IGSF9B: variants seen among roughly 807,000 people sequenced by gnomAD.
The protein encoded by IGSF9B is immunoglobulin superfamily member 9B, also known as protein turtle homolog B.
In IGSF9B, 48 loss-of-function variants were observed where a neutral mutation model predicts 143.7. The observed-to-expected ratio is 0.33, with a 90% CI of 0.26 to 0.42. The LOEUF is 0.42. Among genes scored for constraint, IGSF9B ranks in the 20% least tolerant of loss-of-function variants. IGSF9B has a pLI of 1.00. For missense variants in IGSF9B, 1,706 were observed against 1,980.0 expected (o/e 0.86, Z 2.63); for synonymous variants, 903 against 833.1 (o/e 1.08, Z -1.44).
At chr11:133,955,881 C>A (rs923038332) in intron 1 of IGSF9B, among the ~76,000 whole-genome samples, 2 of 151,926 alleles carry the variant, frequency 1.3e-5, no homozygotes, top group African/African-American at 2.4e-5. Context: ...AGCGTGGGGA[C>A]CCCCCCTTCC....
chr11:133,918,134 C>G (rs1286320932), intron 18 of IGSF9B, among the ~76,000 whole-genome samples: 1 of 151,954 alleles, frequency 6.6e-6, no homozygotes, highest in Non-Finnish European at 1.5e-5. Context: ...CGAGGAGCGG[C>G]AGCGGCCACC....
intron 15 of IGSF9B, 23 bp downstream of exon 15, chr11:133,924,797 A>G: frequency 2.5e-6 from 4 of 1,602,710 alleles, no homozygotes; most frequent in Non-Finnish European, 3.4e-6. Context: ...TATAGTTGCA[A>G]GAGCACCCTC....
intron 1 of IGSF9B, among the ~76,000 whole-genome samples, chr11:133,952,373 G>A (rs772675811): frequency 4.6e-5 from 7 of 152,168 alleles, no homozygotes; most frequent in Non-Finnish European, 7.4e-5. Context: ...CCTCTGTGCT[G>A]CCTAGACTGC....
At position 133,908,084 on chromosome 11, in the gene IGSF9B, TCCGCAGTGGGGAGACTTTGG is replaced by T. The variant is rs1158901220; in HGVS notation, c.*965_*984del. On this transcript the variant is annotated 3_prime_UTR_variant, in exon 20 of 20. Coordinates refer to ENST00000533871, the MANE Select transcript of IGSF9B (RefSeq NM_001277285.4). ...GCAGCTTGGCGCTAGCACAGGTGGC[TCCGCAGTGGGGAGACTTTGG>T]CCACAGAGCTCACGGCCTGGCTGGG... 6.6e-6 allele frequency among the ~76,000 whole-genome samples: 1 copy of T among 152,160 alleles called. No homozygotes were observed. Among genetic ancestry groups the T allele is most frequent in the Non-Finnish European group, 1.5e-5 (1 of 68,020 alleles).
chr11:133,919,035 G>C (rs1234818366), intron 18 of IGSF9B: 1 of 501,294 alleles, frequency 2.0e-6, no homozygotes, highest in South Asian at 1.5e-5. Flanking sequence ...TGGAATACCA[G>C]CTGCTACAGT....
Position 133,946,116 on chromosome 11 carries a change from G to A in IGSF9B, c.207C>T (p.Ile69=), listed in dbSNP as rs1371777887. 1 of 1,610,356 alleles carries A rather than the reference G, an allele frequency of 6.2e-7. No individual in the cohort carries two copies. The highest frequency in any genetic ancestry group is 2.2e-5 in the East Asian group (1 of 44,704). Residue 69 remains isoleucine, a synonymous_variant, in exon 2 of 20, where the codon ATC becomes ATT. Transcript: ENST00000533871. ...AGTAGCCAAACTTGATGAAGATAGG[G>A]ATGGGGACCCCGAACTTGAACCACT... ...VVEWFKFGVP[I]PIFIKFGYYP... is the part of the protein sequence containing the mutation.
chr11:133,944,454 C>T (rs1940008493), intron 2 of IGSF9B, 88 bp from the exon 3 acceptor site: 1 of 1,376,976 alleles, frequency 7.3e-7, no homozygotes. Context: ...AGACAGGGGA[C>T]TCATCATAAT....
chr11:133,931,331 G>A lies in IGSF9B; in HGVS notation c.1368+122C>T, dbSNP rs1397231950. ...GGGCAGGTCCAGAATAGAACTGCTCGCTGGGCCCTCACACCTCCCCTCAGC... is the reference window on the plus strand; with the variant it reads ...GGGCAGGTCCAGAATAGAACTGCTCACTGGGCCCTCACACCTCCCCTCAGC... On this transcript the variant is annotated intron_variant, in intron 10 of 19. Coordinates refer to ENST00000533871, the MANE Select transcript of IGSF9B (RefSeq NM_001277285.4). This position sits in a 1 kb window ranked among gnomAD's most constrained non-coding sequence, Gnocchi z 7.7. 9.4e-6 allele frequency: 8 copies of A among 847,510 alleles called. No individual in the cohort carries two copies. The highest frequency in any genetic ancestry group is 3.4e-5 in the African/African-American group (2 of 58,118). The allele number at this position is 847,510 out of a possible 1,614,324, so 52.5% of individuals were successfully genotyped here. A position where few individuals can be genotyped will look rare whatever the true frequency, so the allele number is the denominator to read the frequency against.
At chr11:133,915,150 C>G (rs535274601) in intron 18 of IGSF9B, among the ~76,000 whole-genome samples, 1 of 152,290 alleles carries the variant, frequency 6.6e-6, no homozygotes, top group African/African-American at 2.4e-5. Context: ...CTGGGGCTCC[C>G]CTTCTCCCAG....
At chr11:133,929,461 G>T (rs969752977) in intron 12 of IGSF9B, among the ~76,000 whole-genome samples, 2 of 152,138 alleles carry the variant, frequency 1.3e-5, no homozygotes, top group East Asian at 3.9e-4. Context: ...AGGCCACAGG[G>T]ACACAGCCAT....
chr11:133,920,335 T>C lies in IGSF9B; in HGVS notation c.3390A>G (p.Val1130=), dbSNP rs1939499343. The change falls in exon 18 of 20, where the codon GTA becomes GTG. Residue 1130 remains valine (V), a synonymous_variant. Coordinates refer to ENST00000533871, the MANE Select transcript of IGSF9B (RefSeq NM_001277285.4). ...KWQDRPMQPL[V]SQGQLRHTSQ... is the part of the protein sequence containing the mutation. ...TTGTATGTCGCAGCTGCCCTTGGCT[T>C]ACCAGAGGTTGCATAGGTCTGTCCT... 6.3e-7 allele frequency: 1 copy of C among 1,596,552 alleles called. No homozygotes were observed. Among genetic ancestry groups the C allele is most frequent in the African/African-American group, 1.3e-5 (1 of 74,194 alleles).
At chr11:133,927,235 C>T (rs1486782549) in intron 12 of IGSF9B, 144 bp from the exon 13 acceptor site, 6 of 668,088 alleles carry the variant, frequency 9.0e-6, no homozygotes, top group Non-Finnish European at 1.3e-5. Flanking sequence ...GGGCATGGCC[C>T]AGAGTGGATG....
At chr11:133,912,155 C>A (rs527558367) in intron 18 of IGSF9B, 148 bp from the exon 19 acceptor site, 84 of 907,934 alleles carry the variant, frequency 9.3e-5, no homozygotes, top group Non-Finnish European at 1.3e-4. Flanking sequence ...CTCCATGACA[C>A]CCGCCTTTCT....
chr11:133,941,394 G>A (rs1939954010), intron 3 of IGSF9B, among the ~76,000 whole-genome samples: 1 of 152,238 alleles, frequency 6.6e-6, no homozygotes, highest in Non-Finnish European at 1.5e-5. Context: ...GAAGGAAAAT[G>A]AGACAATTTG....
At chr11:133,937,322 C>T in intron 5 of IGSF9B, 54 bp downstream of exon 5, 1 of 1,362,452 alleles carries the variant, frequency 7.3e-7, no homozygotes, top group Middle Eastern at 1.8e-4. Context: ...CTCAGCCGGG[C>T]TGGACATCCC....
chr11:133,929,657 A>C lies in IGSF9B; in HGVS notation c.1631+14T>G. 1 of 1,573,262 alleles carries C rather than the reference A, an allele frequency of 6.4e-7. No individual in the cohort carries two copies. Among genetic ancestry groups the C allele is most frequent in the Non-Finnish European group, 8.7e-7 (1 of 1,142,906 alleles). On this transcript the variant is annotated intron_variant, in intron 12 of 19. Coordinates refer to ENST00000533871, the MANE Select transcript of IGSF9B (RefSeq NM_001277285.4). ...AGAGCAAAGCATGCCGGGGTGACTC[A>C]CAGAGGTCCGTACCAAACTGAGAAT...
rs371841680 is a variant in IGSF9B, at chr11:133,919,687, G to A, written c.3983+55C>T. 1,002 of 1,140,106 alleles carry A rather than the reference G, an allele frequency of 8.8e-4. 4 individuals carry two copies. In the African/African-American group the frequency reaches 0.014, roughly 16 times the overall value. The allele number at this position is 1,140,106 out of a possible 1,614,324, so 70.6% of individuals were successfully genotyped here. Reference sequence around the variant, plus strand: ...GACGGGGTGGAGGGCAGGGCGAGGCGGGTGGGGGAAGGAAGTTGCCCAGGT... The same window carrying A: ...GACGGGGTGGAGGGCAGGGCGAGGCAGGTGGGGGAAGGAAGTTGCCCAGGT... On this transcript the variant is annotated intron_variant, in intron 18 of 19. Transcript: ENST00000533871.
intron 13 of IGSF9B, among the ~76,000 whole-genome samples, chr11:133,926,406 C>T (rs939674474): frequency 5.3e-5 from 8 of 152,176 alleles, no homozygotes; most frequent in African/African-American, 1.4e-4. Flanking sequence ...GGGCTGGAGT[C>T]GCGCCACCTA....
At position 133,945,927 on chromosome 11, in the gene IGSF9B, G is replaced by C; in HGVS notation, c.262+134C>G. 1 of 664,876 alleles carries C rather than the reference G, an allele frequency of 1.5e-6. No individual in the cohort carries two copies. The highest frequency in any genetic ancestry group is 1.8e-5 in the African/African-American group (1 of 54,710). 41.2% of individuals were successfully genotyped at this position (664,876 alleles called of 1,614,324 possible). On this transcript the variant is annotated intron_variant, in intron 2 of 19. Coordinates refer to ENST00000533871, the MANE Select transcript of IGSF9B (RefSeq NM_001277285.4). The surrounding 1 kb of genome is among the most constrained non-coding windows in gnomAD (Gnocchi z 4.6). ...TTGATTAGAACCAACAGAGGACAAA[G>C]GATGGGAGGAACCAGGCAGAGACTG...
Sources: gnomAD v4.1 joint callset for allele counts (sites outside exome capture counted in the v4.1 genomes callset) on GRCh38, gnomAD v4.1.1 for gene constraint, Gnocchi (gnomAD v3.1) non-coding constraint, MANE v1.5 for transcripts, NCBI Gene and HGNC (gene_info 2026-07-23, HGNC 2026-07-21) for gene names.